Variants in MID1 observed in about 807,000 individuals in gnomAD.
MID1 encodes midline 1.
In MID1, 7 loss-of-function variants were observed where a neutral mutation model predicts 40.4. That is an observed-to-expected ratio of 0.17 (90% CI 0.10 to 0.33). The LOEUF (loss-of-function observed/expected upper bound fraction) is 0.33. Among genes scored for constraint, MID1 ranks in the 10% least tolerant of loss-of-function variants. The pLI is 1.00. For synonymous variants in MID1, 229 were observed against 221.2 expected (o/e 1.04, Z -0.31); for missense variants, 367 against 558.5 (o/e 0.66, Z 3.46).
At chrX:10,793,791 C>T (rs779401418) in intron 1 of MID1, among the ~76,000 whole-genome samples, 2 of 112,402 alleles carry the variant, frequency 1.8e-5, no homozygotes, top group African/African-American at 3.2e-5. Context: ...ATGCCCTTCA[C>T]ATGGCTGACT....
chrX:10,520,243 G>A (rs755614346), intron 3 of MID1, among the ~76,000 whole-genome samples: 45 of 111,619 alleles, frequency 4.0e-4, no homozygotes, highest in Middle Eastern at 4.6e-3. Flanking sequence ...ACCAGCAACT[G>A]TCTCATCTAT....
chrX:10,760,617 G>A (rs1297578997), intron 1 of MID1, among the ~76,000 whole-genome samples: 1 of 109,381 alleles, frequency 9.1e-6, no homozygotes, highest in Non-Finnish European at 1.9e-5. Flanking sequence ...GAGGCCAGGA[G>A]TTTGAGACCA....
At chrX:10,726,694 C>G (rs970673878) in intron 1 of MID1, among the ~76,000 whole-genome samples, 2 of 112,498 alleles carry the variant, frequency 1.8e-5, no homozygotes, top group Non-Finnish European at 3.8e-5. Flanking sequence ...GCCCTCATTT[C>G]CCATCTTAAG....
At chrX:10,808,117 G>A (rs2044060662) in intron 1 of MID1, among the ~76,000 whole-genome samples, 1 of 112,447 alleles carries the variant, frequency 8.9e-6, no homozygotes, top group African/African-American at 3.2e-5. Flanking sequence ...TCAGATGTTG[G>A]AAATACAAAG....
rs1403241513 is a variant in MID1, at chrX:10,449,253, C to T, written c.*115G>A. ...TTTTGAGCCCTATCTGAGCCGATTT[C>T]GGGACACTTCTGGTGAGATTTCATT... On this transcript the variant is annotated 3_prime_UTR_variant, in exon 10 of 10. Transcript: ENST00000317552. 10 of 622,173 alleles carry T rather than the reference C, an allele frequency of 1.6e-5. No homozygotes were observed. Among genetic ancestry groups the T allele is most frequent in the South Asian group, 8.7e-5 (3 of 34,346 alleles). 51.3% of individuals were successfully genotyped at this position (622,173 alleles called of 1,213,427 possible).
intron 1 of MID1, among the ~76,000 whole-genome samples, chrX:10,578,050 C>T (rs1320576577): frequency 8.9e-6 from 1 of 112,541 alleles, no homozygotes; most frequent in Non-Finnish European, 1.9e-5. Flanking sequence ...CCTCGGGCTG[C>T]CCAGTCTGCA....
chrX:10,718,528 C>T (rs1445221572), intron 1 of MID1, among the ~76,000 whole-genome samples: 1 of 111,709 alleles, frequency 9.0e-6, no homozygotes, highest in Non-Finnish European at 1.9e-5. Flanking sequence ...AGACCAATAA[C>T]AGGATCTGAA....
chrX:10,730,716 C>T (rs918727870), intron 1 of MID1, among the ~76,000 whole-genome samples: 4 of 109,359 alleles, frequency 3.7e-5, no homozygotes, highest in African/African-American at 1.0e-4. Flanking sequence ...GGACTACAGG[C>T]GCCCGCCACC....
chrX:10,668,240 T>C (rs778729888), intron 1 of MID1, among the ~76,000 whole-genome samples: 2 of 112,343 alleles, frequency 1.8e-5, no homozygotes, highest in South Asian at 7.4e-4. Flanking sequence ...GGGTGATCAT[T>C]AAATCTTTAT....
At chrX:10,798,598 G>T (rs1341011008) in intron 1 of MID1, among the ~76,000 whole-genome samples, 1 of 111,745 alleles carries the variant, frequency 8.9e-6, no homozygotes, top group Admixed American at 9.6e-5. Flanking sequence ...GAAAAATTCT[G>T]GGCTGTGAAG....
rs1263587233 is a variant in MID1, at chrX:10,447,336, G to T, written c.*2032C>A. 2 of 111,728 alleles carry T rather than the reference G, an allele frequency of 1.8e-5. No individual in the cohort carries two copies. The highest frequency in any genetic ancestry group is 3.8e-5 in the Non-Finnish European group (2 of 53,178). The allele number at this position is 111,728 out of a possible 1,213,427, so 9.2% of individuals were successfully genotyped here. On this transcript the variant is annotated 3_prime_UTR_variant, in exon 10 of 10. Transcript: ENST00000317552. ...TGTTAACATCATAAGGCAAACTGTA[G>T]CATTTATTGGTACCTGGAGACCGTG...
intron 1 of MID1, among the ~76,000 whole-genome samples, chrX:10,653,928 T>C (rs1040002613): frequency 8.9e-6 from 1 of 112,915 alleles, no homozygotes; most frequent in Non-Finnish European, 1.9e-5. Context: ...AAGATTTTAA[T>C]AGAACTGTTC....
At chrX:10,624,014 A>G (rs959465928), upstream of MID1, among the ~76,000 whole-genome samples, 3 of 112,422 alleles carry the variant, frequency 2.7e-5, no homozygotes, top group Admixed American at 2.8e-4. Flanking sequence ...CTCATCTATA[A>G]TTCTTATAGA....
chrX:10,732,236 A>G (rs1450487224), intron 1 of MID1, among the ~76,000 whole-genome samples: 2 of 111,594 alleles, frequency 1.8e-5, no homozygotes, highest in African/African-American at 6.5e-5. Flanking sequence ...AAATAAAAAG[A>G]CTTAAAAGGA....
At chrX:10,575,537 A>G (rs1934848616) in intron 1 of MID1, among the ~76,000 whole-genome samples, 1 of 112,393 alleles carries the variant, frequency 8.9e-6, no homozygotes. Flanking sequence ...AGCACTCAGC[A>G]TCTGCATATT....
intron 1 of MID1, among the ~76,000 whole-genome samples, chrX:10,771,794 C>A (rs2043772644): frequency 9.2e-6 from 1 of 108,704 alleles, no homozygotes; most frequent in South Asian, 4.0e-4. Flanking sequence ...CAGGCATGAG[C>A]CACCGCGCCC....
chrX:10,758,035 C>T (rs185783575), intron 1 of MID1, among the ~76,000 whole-genome samples: 80 of 109,146 alleles, frequency 7.3e-4, no homozygotes, highest in African/African-American at 2.5e-3. Flanking sequence ...GCATGATCTC[C>T]GCTTTGCAGC....
intron 3 of MID1, chrX:10,506,203 G>A: frequency 1.0e-6 from 1 of 959,376 alleles, no homozygotes; most frequent in Non-Finnish European, 1.3e-6. Context: ...CAATGAAAGA[G>A]ACTTGAGTTT....
intron 1 of MID1, among the ~76,000 whole-genome samples, chrX:10,657,134 C>T (rs955834594): frequency 3.6e-5 from 4 of 111,164 alleles, no homozygotes; most frequent in East Asian, 2.8e-4. Context: ...TTAATACCCC[C>T]GCTCCCTTGT....
Sources: allele counts gnomAD v4.1 joint callset (sites outside exome capture counted in the v4.1 genomes callset), GRCh38; gene constraint gnomAD v4.1.1; transcripts MANE v1.5; gene names NCBI Gene and HGNC (gene_info 2026-07-23, HGNC 2026-07-21).